The following ZNF346 variants were observed in gnomAD, a reference collection of about 807,000 sequenced individuals.
The protein encoded by ZNF346 is double-stranded RNA-binding zinc finger protein JAZ.
A neutral mutation model predicts 33.7 loss-of-function variants in ZNF346; 23 were observed. The observed-to-expected ratio is 0.68, with a 90% confidence interval of 0.49 to 0.97. ZNF346 has a LOEUF of 0.97. ZNF346 is among the 50% of genes least tolerant of loss of function. The probability of loss-of-function intolerance (pLI) is 0.00; values close to 1 mark genes in which losing one functional copy is unlikely to be tolerated. For synonymous variants in ZNF346, 134 were observed against 142.4 expected, an observed-to-expected ratio of 0.94 and a Z score of 0.42; for missense variants, 340 against 371.1, an observed-to-expected ratio of 0.92 and a Z score of 0.69.
At chr5:177,045,259 C>T (rs1470273514) in intron 4 of ZNF346, among the ~76,000 whole-genome samples, 1 of 152,078 alleles carries the variant, frequency 6.6e-6, no homozygotes, top group East Asian at 1.9e-4. Context: ...TATTTTGGAC[C>T]AAGAAGTAGA....
At chr5:177,046,319 AC>A (rs1318451513) in intron 4 of ZNF346, among the ~76,000 whole-genome samples, 19 of 144,800 alleles carry the variant, frequency 1.3e-4, no homozygotes, top group Non-Finnish European at 2.3e-4. Flanking sequence ...AAAAAAAAAA[AC>A]CAATTTTATA....
At chr5:177,072,195 C>T (rs766259776), downstream of ZNF346, among the ~76,000 whole-genome samples, 1 of 152,214 alleles carries the variant, frequency 6.6e-6, no homozygotes, top group Non-Finnish European at 1.5e-5. Flanking sequence ...CAAAGTCTTG[C>T]AGAGCTTACA....
At chr5:177,037,306 G>A (rs1353078823) in intron 1 of ZNF346, among the ~76,000 whole-genome samples, 1 of 152,000 alleles carries the variant, frequency 6.6e-6, no homozygotes, top group African/African-American at 2.4e-5. Context: ...ATCTCTTCCA[G>A]CCCCACAGTG....
rs1782626242 is a variant in ZNF346 at position 177,062,146 on chromosome 5, G to C, written c.792G>C (p.Lys264Asn). The C allele has an allele frequency of 1.2e-6, 2 of 1,613,612 alleles. No homozygotes were observed. Among genetic ancestry groups the C allele is most frequent in the Admixed American group, 3.3e-5 (2 of 59,978 alleles). The change falls in exon 6 of 7, where the codon AAG becomes AAC. Residue 264 changes from lysine to asparagine, a missense_variant. Physicochemically the swap from Lys to Asn is moderately conservative, Grantham distance 94 (BLOSUM62 0). Transcript: ENST00000358149. ...CTCATGTCAGCGGCTTCAAACACAA[G>C]AACCAGTAAGTAACCATTTTTTGAA... The part of the protein sequence containing the change: ...YQAHVSGFKH[K>N]NQSPKTVASS...
downstream of ZNF346, among the ~76,000 whole-genome samples, chr5:177,071,391 A>G (rs1052346150): frequency 6.6e-6 from 1 of 151,536 alleles, no homozygotes; most frequent in Non-Finnish European, 1.5e-5. Flanking sequence ...GAAAGAAAGA[A>G]AAAAGGGGCC....
chr5:177,060,021 AG>A (rs1309581660), intron 5 of ZNF346, among the ~76,000 whole-genome samples: 2 of 152,222 alleles, frequency 1.3e-5, no homozygotes, highest in African/African-American at 4.8e-5. Flanking sequence ...TATGGGACGT[AG>A]TGACGCGGAG....
chr5:177,023,055 C>T (rs949602722), intron 1 of ZNF346, 142 bp downstream of exon 1: 22 of 1,437,996 alleles, frequency 1.5e-5, no homozygotes, highest in Admixed American at 2.0e-5. Flanking sequence ...GCTCCCCATC[C>T]GGGCGCGGGC....
At chr5:177,033,671 C>G (rs1384166836) in intron 1 of ZNF346, among the ~76,000 whole-genome samples, 1 of 151,894 alleles carries the variant, frequency 6.6e-6, no homozygotes, top group Non-Finnish European at 1.5e-5. Context: ...CTACAGGCAC[C>G]CGCCACCACA....
At chr5:177,027,090 C>T (rs1776895094) in intron 1 of ZNF346, among the ~76,000 whole-genome samples, 1 of 151,990 alleles carries the variant, frequency 6.6e-6, no homozygotes, top group Admixed American at 6.6e-5. Context: ...ACTCACTCTT[C>T]CGCCCAGACT....
At chr5:177,025,883 A>T (rs1415865565) in intron 1 of ZNF346, among the ~76,000 whole-genome samples, 1 of 152,074 alleles carries the variant, frequency 6.6e-6, no homozygotes, top group East Asian at 1.9e-4. Flanking sequence ...GATGAGATTA[A>T]ATTTATCATT....
At chr5:177,051,824 A>G (rs1248842613) in intron 5 of ZNF346, 2 of 152,274 alleles carry the variant, frequency 1.3e-5, no homozygotes, top group Non-Finnish European at 2.9e-5. Context: ...GGCGTGAGCC[A>G]CTGCACCCGG....
chr5:177,052,169 AC>A (rs1022282811), intron 5 of ZNF346, among the ~76,000 whole-genome samples: 3 of 146,944 alleles, frequency 2.0e-5, no homozygotes, highest in African/African-American at 5.4e-5. Flanking sequence ...TATCAAAAAA[AC>A]AATTTTTTTT....
chr5:177,075,345 G>A (rs1219016669), intron 8 of ZNF346, among the ~76,000 whole-genome samples: 25 of 151,988 alleles, frequency 1.6e-4, no homozygotes. Context: ...AGAGGTTGCA[G>A]TGAGCCGAGA....
chr5:177,072,176 A>G (rs374853372), downstream of ZNF346, among the ~76,000 whole-genome samples: 20 of 152,360 alleles, frequency 1.3e-4, no homozygotes, highest in East Asian at 3.5e-3. Context: ...CACAGGAGAA[A>G]GTCAGGGACA....
At chr5:177,023,253 C>A in intron 1 of ZNF346, 2 of 1,506,942 alleles carry the variant, frequency 1.3e-6, no homozygotes, top group Non-Finnish European at 8.9e-7. Flanking sequence ...AGCCGAGTGC[C>A]CCTCACCACT....
At chr5:177,027,385 G>A (rs1017144762) in intron 1 of ZNF346, among the ~76,000 whole-genome samples, 1 of 152,002 alleles carries the variant, frequency 6.6e-6, no homozygotes, top group African/African-American at 2.4e-5. Context: ...GGGCAACGTG[G>A]AGAAACCCTG....
intron 1 of ZNF346, among the ~76,000 whole-genome samples, chr5:177,040,877 G>A (rs979674629): frequency 6.6e-6 from 1 of 151,994 alleles, no homozygotes; most frequent in Non-Finnish European, 1.5e-5. Context: ...ATGATCTAAA[G>A]ATTCCTTTTT....
rs558247418 is a variant in ZNF346 at position 177,045,123 on chromosome 5, C to T, written c.517+590C>T. 3.0e-4 allele frequency among the ~76,000 whole-genome samples: 46 copies of T among 152,320 alleles called. 1 individual carries two copies. Among genetic ancestry groups the T allele is most frequent in the African/African-American group, 1.1e-3 (45 of 41,568 alleles). The stretch of plus-strand genomic sequence containing the variant: ...CCTTTATCTCGTCACGACTAGGGCT[C>T]AGCCCTCACTTTCATCTCATTAACT... On this transcript the variant is annotated intron_variant, in intron 4 of 6. Transcript: ENST00000358149.
chr5:177,053,278 T>G (rs896475269), intron 5 of ZNF346, among the ~76,000 whole-genome samples: 4 of 136,996 alleles, frequency 2.9e-5, no homozygotes, highest in African/African-American at 1.1e-4. Flanking sequence ...ATCGCGCCAC[T>G]GCACTCCAGC....
Sources: gnomAD v4.1 joint callset for allele counts (sites outside exome capture counted in the v4.1 genomes callset) on GRCh38, gnomAD v4.1.1 for gene constraint, MANE v1.5 for transcripts, NCBI Gene and HGNC (gene_info 2026-07-23, HGNC 2026-07-21) for gene names.